WFDC1: variants seen among roughly 807,000 people sequenced by gnomAD.
WFDC1 encodes the protein WAP four-disulfide core domain protein 1.
In WFDC1, 39 loss-of-function variants were observed where a neutral mutation model predicts 32.9. The ratio of observed to expected loss-of-function variants is 1.19; its 90% confidence interval spans 0.92 to 1.55. The LOEUF is 1.55. WFDC1 is among the 40% of genes most tolerant of loss of function. WFDC1 has a pLI of 0.00. For missense variants in WFDC1, 386 were observed against 309.5 expected (o/e 1.25, Z -1.85); for synonymous variants, 184 against 137.4 (o/e 1.34, Z -2.37).
intron 1 of WFDC1, among the ~76,000 whole-genome samples, chr16:84,309,855 G>GT (rs1491358898): frequency 7.8e-4 from 42 of 53,962 alleles, no homozygotes; most frequent in South Asian, 7.0e-3. Flanking sequence ...ATGTGTGTGT[G>GT]GGGGGGGCGT....
At position 84,326,901 on chromosome 16, in the gene WFDC1, G is replaced by C. The variant is rs746519474; in HGVS notation, c.624G>C (p.Val208=). ...KEYPEGDSKN[V]AEPGRGQQKH... The stretch of plus-strand genomic sequence containing the variant: ...TCACAGAAGGTGACTCAAAGAATGT[G>C]GCAGAACCTGGAAGGGGACAACAGA... The change falls in exon 6 of 7, where the codon GTG becomes GTC. Residue 208 remains valine (V), a synonymous_variant. Transcript: ENST00000219454. The C allele has an allele frequency of 6.2e-7, 1 of 1,614,084 alleles. No homozygotes were observed. Among genetic ancestry groups the C allele is most frequent in the South Asian group, 1.1e-5 (1 of 91,082 alleles).
intron 1 of WFDC1, among the ~76,000 whole-genome samples, chr16:84,303,169 G>A (rs57464915): frequency 0.07 from 10,712 of 152,004 alleles, 1,183 homozygotes; most frequent in African/African-American, 0.24. Flanking sequence ...GTTCCGGGGA[G>A]CGACATATTT....
intron 1 of WFDC1, among the ~76,000 whole-genome samples, chr16:84,296,590 T>C (rs996224097): frequency 1.5e-4 from 23 of 152,134 alleles, no homozygotes; most frequent in African/African-American, 5.3e-4. Context: ...TGAAACTGTA[T>C]TGAGACAAAT....
At chr16:84,299,297 G>A (rs1163161960) in intron 1 of WFDC1, among the ~76,000 whole-genome samples, 6 of 152,154 alleles carry the variant, frequency 3.9e-5, no homozygotes, top group East Asian at 3.9e-4. Context: ...CCTGGGAGGC[G>A]GAGGTTGCGG....
At chr16:84,327,105 C>T (rs1040168126) in intron 6 of WFDC1, 150 bp downstream of exon 6, 1 of 696,774 alleles carries the variant, frequency 1.4e-6, no homozygotes, top group Non-Finnish European at 2.5e-6. Context: ...AGTAAGTCCT[C>T]ACCTAACGTC....
intron 1 of WFDC1, among the ~76,000 whole-genome samples, chr16:84,311,592 G>T (rs424779): frequency 2.1e-5 from 3 of 139,720 alleles, no homozygotes; most frequent in African/African-American, 8.2e-5. Flanking sequence ...GGAGTAGTGC[G>T]ATCACAGCTC....
chr16:84,303,024 T>TC (rs1907038109), intron 1 of WFDC1, among the ~76,000 whole-genome samples: 2 of 147,768 alleles, frequency 1.4e-5, no homozygotes, highest in Non-Finnish European at 3.0e-5. Context: ...TTTCTTTCTT[T>TC]TTTTTTTTTT....
chr16:84,318,248 T>C (rs1217123420), intron 2 of WFDC1, 24 bp from the exon 3 acceptor site: 2 of 1,612,874 alleles, frequency 1.2e-6, no homozygotes, highest in African/African-American at 2.7e-5. Flanking sequence ...AGGAGGGCCC[T>C]GATCTGACCC....
Position 84,313,093 on chromosome 16 carries a change from C to G in WFDC1, c.277C>G (p.Arg93Gly), listed in dbSNP as rs1054255498. 22 of 1,431,538 alleles carry G rather than the reference C, an allele frequency of 1.5e-5. No homozygotes were observed. Among genetic ancestry groups the G allele is most frequent in the Admixed American group, 3.1e-5 (1 of 32,716 alleles). 88.7% of individuals were successfully genotyped at this position (1,431,538 alleles called of 1,614,324 possible). A position where few individuals can be genotyped will look rare whatever the true frequency, so the allele number is the denominator to read the frequency against. The part of the protein sequence containing the change: ...CQADSECPRH[R>G]RCCYNGCAYA... The stretch of plus-strand genomic sequence containing the variant: ...GGCGGACTCCGAGTGCCCGCGGCAC[C>G]GGCGCTGCTGCTACAACGGATGCGC... The change falls in exon 2 of 7, where the codon CGG becomes GGG. Residue 93 changes from arginine (R) to glycine (G), a missense_variant. Physicochemically the swap from Arg to Gly is moderately radical, Grantham distance 125. Transcript: ENST00000219454.
At chr16:84,307,758 C>T (rs930827514) in intron 1 of WFDC1, among the ~76,000 whole-genome samples, 36 of 152,138 alleles carry the variant, frequency 2.4e-4, no homozygotes, top group African/African-American at 4.8e-4. Context: ...GAGGCTGGGG[C>T]GCCTGTCATG....
chr16:84,321,523 G>C (rs763787442), intron 4 of WFDC1, among the ~76,000 whole-genome samples: 1 of 152,160 alleles, frequency 6.6e-6, no homozygotes, highest in Non-Finnish European at 1.5e-5. Context: ...GAATGCCTTG[G>C]GCACTTGTCT....
chr16:84,307,767 T>C (rs1045053298), intron 1 of WFDC1, among the ~76,000 whole-genome samples: 2 of 152,080 alleles, frequency 1.3e-5, no homozygotes, highest in Non-Finnish European at 2.9e-5. Context: ...GCGCCTGTCA[T>C]GTTAGATTAG....
At chr16:84,327,068 C>A in intron 6 of WFDC1, 113 bp downstream of exon 6, 1 of 1,009,816 alleles carries the variant, frequency 9.9e-7, no homozygotes, top group South Asian at 1.4e-5. Flanking sequence ...GCTTTCCCTA[C>A]TGGTAGAATT....
At chr16:84,308,196 T>G (rs8058827) in intron 1 of WFDC1, among the ~76,000 whole-genome samples, 56,305 of 151,734 alleles carry the variant, frequency 0.37, 10,716 homozygotes, top group East Asian at 0.44. Context: ...TCTCTGCCCC[T>G]CATGCCCTCA....
At chr16:84,317,994 G>A (rs893569067) in intron 2 of WFDC1, 6 of 356,372 alleles carry the variant, frequency 1.7e-5, no homozygotes, top group Admixed American at 7.3e-5. Context: ...GCCCCGATTG[G>A]AGGGTGAGAC....
At position 84,319,396 on chromosome 16, in the gene WFDC1, G is replaced by A. The variant is rs376462901; in HGVS notation, c.422-35G>A. On this transcript the variant is annotated intron_variant, in intron 3 of 6. Coordinates refer to ENST00000219454, the MANE Select transcript of WFDC1 (RefSeq NM_021197.4). ...AGCATGTGCACCTGTCCTGGGAGTC[G>A]GCCTTCTAGACCCCAGCGTGTGTCC... 3.9e-5 allele frequency: 62 copies of A among 1,600,552 alleles called. No homozygotes were observed. The Admixed American group carries it at 5.0e-4, about 13-fold the overall frequency.
chr16:84,326,869 G>C lies in WFDC1; in HGVS notation c.605-13G>C. On this transcript the variant is annotated splice_polypyrimidine_tract_variant and intron_variant, in intron 5 of 6. Coordinates refer to ENST00000219454, the MANE Select transcript of WFDC1 (RefSeq NM_021197.4). ...GATACATCTACCCCAACAGAGCTGT[G>C]TTCTTTTCACAGAAGGTGACTCAAA... 1 of 1,614,056 alleles carries C rather than the reference G, an allele frequency of 6.2e-7. No individual in the cohort carries two copies. The highest frequency in any genetic ancestry group is 8.5e-7 in the Non-Finnish European group (1 of 1,179,996).
At chr16:84,327,580 C>G (rs1908677186) in intron 6 of WFDC1, 1 of 152,208 alleles carries the variant, frequency 6.6e-6, no homozygotes, top group East Asian at 1.9e-4. Context: ...GTTGCAGTTT[C>G]CAATAAGCTA....
Position 84,294,976 on chromosome 16 carries a change from C to T in WFDC1, c.5C>T (p.Pro2Leu), listed in dbSNP as rs1906496101. The T allele has an allele frequency of 6.2e-7, 1 of 1,612,682 alleles. No individual in the cohort carries two copies. ...AGGTCGCTGCCCAGGGAGGAAATGC[C>T]TTTAACCGGCGTGGGGCCGGGCAGC... Reference protein sequence around the residue: MPLTGVGPGSCR... With the variant: MLLTGVGPGSCR... Residue 2 changes from proline (P) to leucine (L), a missense_variant, in exon 1 of 7, where the codon CCT (proline) becomes CTT (leucine). By Grantham distance (98) the Pro-to-Leu change is moderately conservative (BLOSUM62 -3). Coordinates refer to ENST00000219454, the MANE Select transcript of WFDC1 (RefSeq NM_021197.4).
Sources: allele counts gnomAD v4.1 joint callset (sites outside exome capture counted in the v4.1 genomes callset), GRCh38; gene constraint gnomAD v4.1.1; transcripts MANE v1.5; gene names NCBI Gene and HGNC (gene_info 2026-07-23, HGNC 2026-07-21).